Variants in CACNA2D3 observed in about 807,000 individuals in gnomAD.
The protein encoded by CACNA2D3 is voltage-dependent calcium channel subunit alpha-2/delta-3.
Under a neutral mutation model 160.6 loss-of-function variants are expected in CACNA2D3, and 60 were observed. The ratio of observed to expected loss-of-function variants is 0.37; its 90% CI spans 0.30 to 0.46. The LOEUF is 0.46. CACNA2D3 is among the 20% of genes least tolerant of loss of function. CACNA2D3 has a pLI of 1.00. For synonymous variants in CACNA2D3, 558 were observed against 492.9 expected (o/e 1.13, Z -1.75); for missense variants, 1,205 against 1,365.0 (o/e 0.88, Z 1.85).
chr3:54,672,769 A>G (rs1328073571), intron 11 of CACNA2D3, among the ~76,000 whole-genome samples: 2 of 152,226 alleles, frequency 1.3e-5, no homozygotes, highest in East Asian at 3.9e-4. Context: ...TGTGTGAGTT[A>G]GGAATGGTCG....
At chr3:54,860,353 C>T (rs1699265549) in intron 17 of CACNA2D3, among the ~76,000 whole-genome samples, 1 of 152,104 alleles carries the variant, frequency 6.6e-6, no homozygotes, top group South Asian at 2.1e-4. Context: ...GCCTGCTTCT[C>T]CCAAAGGGCC....
At chr3:54,891,781 C>A (rs865883087) in intron 25 of CACNA2D3, among the ~76,000 whole-genome samples, 1 of 152,202 alleles carries the variant, frequency 6.6e-6, no homozygotes, top group South Asian at 2.1e-4. Flanking sequence ...ACACTCATCT[C>A]GTAACAAATG....
intron 30 of CACNA2D3, 142 bp from the exon 31 acceptor site, chr3:54,987,541 G>T (rs1702641887): frequency 1.8e-6 from 1 of 563,252 alleles, no homozygotes; most frequent in East Asian, 3.0e-5. Flanking sequence ...TCTCATGACT[G>T]TTAAAACCTT....
intron 2 of CACNA2D3, among the ~76,000 whole-genome samples, chr3:54,156,371 A>G (rs1187757395): frequency 6.6e-6 from 1 of 152,196 alleles, no homozygotes; most frequent in Non-Finnish European, 1.5e-5. Context: ...CTGGGCCTTC[A>G]TACACTAATG....
intron 35 of CACNA2D3, among the ~76,000 whole-genome samples, chr3:55,051,438 C>T (rs1029314394): frequency 2.6e-5 from 4 of 152,140 alleles, no homozygotes; most frequent in Non-Finnish European, 5.9e-5. Flanking sequence ...GTCAGGGACC[C>T]ACTTGAGGAG....
chr3:54,670,218 C>G (rs960484037), intron 11 of CACNA2D3, among the ~76,000 whole-genome samples: 11 of 152,118 alleles, frequency 7.2e-5, no homozygotes, highest in African/African-American at 2.7e-4. Flanking sequence ...TCCTGCCCAC[C>G]CAAAAGGTGA....
At position 54,204,799 on chromosome 3, in the gene CACNA2D3, A is replaced by G. The variant is rs75018312; in HGVS notation, c.204+81205A>G. Among the ~76,000 whole-genome samples the G allele has an allele frequency of 1.2e-3, 70 of 58,850 alleles. 1 individual carries two copies. Among genetic ancestry groups the G allele is most frequent in the African/African-American group, 9.6e-3 (62 of 6,442 alleles). 38.6% of individuals were successfully genotyped at this position (58,850 alleles called of 152,430 possible). A position where few individuals can be genotyped will look rare whatever the true frequency, so the allele number is the denominator to read the frequency against. On this transcript the variant is annotated intron_variant, in intron 2 of 37. Transcript: ENST00000474759. ...TGACAGAGCAAGATGCTGTCTTGAA[A>G]AAAAAAAAAAAAAAAAAAAAAGAAA...
At position 54,627,855 on chromosome 3, in the gene CACNA2D3, G is replaced by T; in HGVS notation, c.1032G>T (p.Glu344Asp). Residue 344 changes from glutamate to aspartate, a missense_variant, in exon 10 of 38, where the codon GAG becomes GAT. Glu to Asp is a conservative substitution (Grantham distance 45, BLOSUM62 2). Transcript: ENST00000474759. ...GIGMLDIALN[E>D]AFNILSDFNH... Reference sequence around the variant, plus strand: ...GAATGTTGGATATAGCTCTGAATGAGGCCTTCAACATTCTGAGTGATGTAA... The same window carrying T: ...GAATGTTGGATATAGCTCTGAATGATGCCTTCAACATTCTGAGTGATGTAA... The T allele has an allele frequency of 6.2e-7, 1 of 1,605,072 alleles. No homozygotes were observed. Among genetic ancestry groups the T allele is most frequent in the Non-Finnish European group, 8.5e-7 (1 of 1,174,634 alleles).
rs139475218 is a variant in CACNA2D3, at chr3:54,288,874, C to A, written c.205-31568C>A. Among the ~76,000 whole-genome samples the A allele has an allele frequency of 9.2e-5, 14 of 152,254 alleles. No individual in the cohort carries two copies. The East Asian group carries it at 1.5e-3, about 17-fold the overall frequency. On this transcript the variant is annotated intron_variant, in intron 2 of 37. Coordinates refer to ENST00000474759, the MANE Select transcript of CACNA2D3 (RefSeq NM_018398.3). Reference sequence around the variant, plus strand: ...AAGGCCTTTGACAAAATTCAACAACCTTCATGCTAAAAACTCAAGAAATTA... The same window carrying A: ...AAGGCCTTTGACAAAATTCAACAACATTCATGCTAAAAACTCAAGAAATTA...
intron 8 of CACNA2D3, among the ~76,000 whole-genome samples, chr3:54,581,357 G>A (rs893153552): frequency 4.6e-5 from 7 of 152,168 alleles, no homozygotes; most frequent in Non-Finnish European, 8.8e-5. Flanking sequence ...GAACATCAAG[G>A]CTTATTCTGT....
intron 5 of CACNA2D3, among the ~76,000 whole-genome samples, chr3:54,525,857 A>T (rs1270672571): frequency 2.7e-5 from 4 of 150,840 alleles, no homozygotes; most frequent in Admixed American, 2.6e-4. Flanking sequence ...AGCTTCCTGG[A>T]TGTGCAGGTT....
chr3:54,465,446 A>G (rs1260255457), intron 4 of CACNA2D3, among the ~76,000 whole-genome samples: 2 of 152,192 alleles, frequency 1.3e-5, no homozygotes, highest in African/African-American at 2.4e-5. Flanking sequence ...ATTAAACTTT[A>G]TTATATGTAC....
At position 54,123,572 on chromosome 3, in the gene CACNA2D3, C is replaced by G; in HGVS notation, c.182C>G (p.Ser61Cys). Residue 61 changes from serine to cysteine, a missense_variant, in exon 2 of 38, where the codon TCC (serine) becomes TGC (cysteine). Physicochemically the swap from Ser to Cys is moderately radical, Grantham distance 112 (BLOSUM62 -1). Transcript: ENST00000474759. ...GEIKSIAAKYSGSQLLQKKYK... is the reference protein window; with the variant it reads ...GEIKSIAAKYCGSQLLQKKYK... ...ATAAAATCCATTGCTGCTAAGTACT[C>G]CGGTTCCCAGCTTCTGCAAAAGGTA... 4.3e-6 allele frequency: 7 copies of G among 1,613,766 alleles called. No individual in the cohort carries two copies. Among genetic ancestry groups the G allele is most frequent in the Non-Finnish European group, 5.9e-6 (7 of 1,179,762 alleles).
chr3:54,892,651 T>A (rs1047912198), intron 25 of CACNA2D3, among the ~76,000 whole-genome samples: 33 of 152,196 alleles, frequency 2.2e-4, no homozygotes, highest in African/African-American at 7.7e-4. Context: ...GGCGAGTTCC[T>A]GGGAAGGACT....
intron 4 of CACNA2D3, among the ~76,000 whole-genome samples, chr3:54,457,180 T>C (rs1700414073): frequency 6.6e-6 from 1 of 152,134 alleles, no homozygotes; most frequent in Non-Finnish European, 1.5e-5. Flanking sequence ...CTAGTTTTTT[T>C]GATGTATGCA....
intron 10 of CACNA2D3, among the ~76,000 whole-genome samples, chr3:54,630,776 G>A (rs1438067344): frequency 6.6e-6 from 1 of 152,106 alleles, no homozygotes; most frequent in Non-Finnish European, 1.5e-5. Context: ...ATCTTTGTGA[G>A]GGAAGCATTT....
chr3:54,174,962 G>A (rs1700648467), intron 2 of CACNA2D3, among the ~76,000 whole-genome samples: 1 of 152,200 alleles, frequency 6.6e-6, no homozygotes, highest in Non-Finnish European at 1.5e-5. Flanking sequence ...TGCTGCTATA[G>A]GCCTTTTGGT....
chr3:54,544,516 G>T (rs1221269099), intron 5 of CACNA2D3, among the ~76,000 whole-genome samples: 2 of 151,834 alleles, frequency 1.3e-5, no homozygotes, highest in South Asian at 2.1e-4. Context: ...GGATCCTCCC[G>T]CTTTAACCTC....
intron 13 of CACNA2D3, among the ~76,000 whole-genome samples, chr3:54,781,148 C>G (rs1702528147): frequency 6.6e-6 from 1 of 152,128 alleles, no homozygotes; most frequent in East Asian, 1.9e-4. Flanking sequence ...TGAGTGCAAA[C>G]AGGAACAAAC....
Sources: allele counts gnomAD v4.1 joint callset (sites outside exome capture counted in the v4.1 genomes callset), GRCh38; gene constraint gnomAD v4.1.1; transcripts MANE v1.5; gene names NCBI Gene and HGNC (gene_info 2026-07-23, HGNC 2026-07-21).